The following MLLT3 variants were observed in gnomAD, a reference collection of about 807,000 sequenced individuals.
MLLT3 encodes MLLT3 super elongation complex subunit.
A neutral mutation model predicts 53.2 loss-of-function variants in MLLT3; 4 were observed. That is an observed-to-expected ratio of 0.08 (90% CI 0.04 to 0.17). The LOEUF (loss-of-function observed/expected upper bound fraction) is 0.17. Among genes scored for constraint, MLLT3 ranks in the 10% least tolerant of loss-of-function variants. MLLT3 has a pLI of 1.00. For missense variants in MLLT3, 569 were observed against 684.0 expected (o/e 0.83, Z 1.87); for synonymous variants, 283 against 230.6 (o/e 1.23, Z -2.06).
chr9:20,498,914 G>T (rs1825150097), intron 2 of MLLT3, among the ~76,000 whole-genome samples: 1 of 152,156 alleles, frequency 6.6e-6, no homozygotes, highest in Admixed American at 6.5e-5. Flanking sequence ...TAGGGCTATT[G>T]TAACAAAATA....
rs1055693135 is a variant in MLLT3, at chr9:20,342,849, T to C, written c.*3594A>G. On this transcript the variant is annotated 3_prime_UTR_variant, in exon 11 of 11. Transcript: ENST00000380338. ...ATATATATGTGTATATATATATATA[T>C]ATGTATATATAAATATAGGAGCAGT... The C allele has an allele frequency of 5.8e-6, 1 of 173,336 alleles. No homozygotes were observed. Among genetic ancestry groups the C allele is most frequent in the African/African-American group, 2.4e-5 (1 of 41,346 alleles). The allele number at this position is 173,336 out of a possible 1,614,324, so 10.7% of individuals were successfully genotyped here.
intron 5 of MLLT3, among the ~76,000 whole-genome samples, chr9:20,367,401 T>C (rs1467560443): frequency 6.6e-6 from 1 of 152,212 alleles, no homozygotes; most frequent in Non-Finnish European, 1.5e-5. Flanking sequence ...TGTCTTGTGC[T>C]TCTTGTAATC....
chr9:20,376,048 A>T (rs943929009), intron 5 of MLLT3, among the ~76,000 whole-genome samples: 5 of 152,220 alleles, frequency 3.3e-5, no homozygotes, highest in African/African-American at 1.2e-4. Context: ...CAAGTGATCT[A>T]CGTTCTTTTC....
chr9:20,416,477 A>T (rs1822875115), intron 4 of MLLT3, among the ~76,000 whole-genome samples: 1 of 152,100 alleles, frequency 6.6e-6, no homozygotes, highest in Non-Finnish European at 1.5e-5. Flanking sequence ...ATATATTTTT[A>T]AAATCCTTCT....
chr9:20,551,824 C>G (rs1413955672), intron 2 of MLLT3, among the ~76,000 whole-genome samples: 3 of 152,120 alleles, frequency 2.0e-5, no homozygotes, highest in African/African-American at 7.2e-5. Flanking sequence ...ATTAACATTA[C>G]ACCCTATAGA....
chr9:20,507,260 A>T (rs1305418334), intron 2 of MLLT3, among the ~76,000 whole-genome samples: 1 of 152,214 alleles, frequency 6.6e-6, no homozygotes, highest in Non-Finnish European at 1.5e-5. Flanking sequence ...AACAATCTAC[A>T]AATTCATATA....
chr9:20,451,406 A>G (rs1823835619), intron 3 of MLLT3, among the ~76,000 whole-genome samples: 1 of 152,248 alleles, frequency 6.6e-6, no homozygotes. Context: ...GAATGAGGTA[A>G]TATCAACATC....
chr9:20,486,399 T>C (rs1418086342), intron 2 of MLLT3, among the ~76,000 whole-genome samples: 2 of 152,016 alleles, frequency 1.3e-5, no homozygotes, highest in Non-Finnish European at 2.9e-5. Flanking sequence ...AAGACTTGAA[T>C]AAATAAAAAG....
intron 2 of MLLT3, among the ~76,000 whole-genome samples, chr9:20,565,168 C>G (rs531248003): frequency 1.3e-5 from 2 of 151,646 alleles, no homozygotes; most frequent in South Asian, 4.2e-4. Flanking sequence ...TTTCTCCCAC[C>G]AATTGGAGGA....
At chr9:20,487,224 T>G (rs1381446706) in intron 2 of MLLT3, among the ~76,000 whole-genome samples, 2 of 152,120 alleles carry the variant, frequency 1.3e-5, no homozygotes, top group African/African-American at 4.8e-5. Flanking sequence ...TTTCTTCTCC[T>G]GGTCTGCTAA....
rs548195782 is a variant in MLLT3, at chr9:20,621,797, C to G, written c.12+448G>C. 1,184 of 1,457,108 alleles carry G rather than the reference C, an allele frequency of 8.1e-4. 6 individuals are homozygous for G. The highest frequency in any genetic ancestry group is 6.8e-4 in the Non-Finnish European group (759 of 1,115,130). 90.3% of individuals were successfully genotyped at this position (1,457,108 alleles called of 1,614,324 possible). On this transcript the variant is annotated intron_variant, in intron 1 of 10. Coordinates refer to ENST00000380338, the MANE Select transcript of MLLT3 (RefSeq NM_004529.4). The surrounding 1 kb of genome is among the most constrained non-coding windows in gnomAD (Gnocchi z 7.0). ...CCATCGTAGCGGCCGCGGCGCTTTG[C>G]GGAGGTGCGGCCGCCGAGGCTGCTC...
intron 4 of MLLT3, among the ~76,000 whole-genome samples, chr9:20,446,448 C>T (rs559081357): frequency 6.6e-6 from 1 of 152,306 alleles, no homozygotes; most frequent in Non-Finnish European, 1.5e-5. Context: ...TGACTGTAAC[C>T]TCTCTTCCAG....
At chr9:20,609,406 T>A (rs1386374309) in intron 2 of MLLT3, among the ~76,000 whole-genome samples, 1 of 152,106 alleles carries the variant, frequency 6.6e-6, no homozygotes, top group African/African-American at 2.4e-5. Flanking sequence ...TCTGTTCACA[T>A]GATAATACAG....
At chr9:20,524,717 C>A (rs1818154740) in intron 2 of MLLT3, among the ~76,000 whole-genome samples, 1 of 152,132 alleles carries the variant, frequency 6.6e-6, no homozygotes, top group Non-Finnish European at 1.5e-5. Flanking sequence ...GATTATCACT[C>A]ATACCTGTTC....
Position 20,532,709 on chromosome 9 carries a change from G to A in MLLT3, c.194-75923C>T, listed in dbSNP as rs534695967. On this transcript the variant is annotated intron_variant, in intron 2 of 10. Coordinates refer to ENST00000380338, the MANE Select transcript of MLLT3 (RefSeq NM_004529.4). ...ATGCAGCCCAAAAGGGACTTAACTC[G>A]CTTTGTGAAATGGCCCCACTATATC... 75 of 258,796 alleles carry A rather than the reference G, an allele frequency of 2.9e-4. 1 individual carries two copies. The highest frequency in any genetic ancestry group is 1.8e-3 in the Admixed American group (39 of 21,894). The allele number at this position is 258,796 out of a possible 1,614,324, so 16.0% of individuals were successfully genotyped here. A position where few individuals can be genotyped will look rare whatever the true frequency, so the allele number is the denominator to read the frequency against.
chr9:20,565,571 C>T (rs1819332572), intron 2 of MLLT3, among the ~76,000 whole-genome samples: 1 of 152,064 alleles, frequency 6.6e-6, no homozygotes, highest in African/African-American at 2.4e-5. Context: ...CAAAGTTAGT[C>T]ACAGTCCAAG....
At chr9:20,564,890 G>A (rs1819309149) in intron 2 of MLLT3, among the ~76,000 whole-genome samples, 1 of 152,084 alleles carries the variant, frequency 6.6e-6, no homozygotes, top group Non-Finnish European at 1.5e-5. Flanking sequence ...TCTTCCACAA[G>A]GCAAATGTTT....
chr9:20,358,939 G>C (rs1250973323), intron 8 of MLLT3, among the ~76,000 whole-genome samples: 1 of 151,946 alleles, frequency 6.6e-6, no homozygotes, highest in East Asian at 1.9e-4. Context: ...GAGGTCAAGA[G>C]ATCGAGACCA....
At chr9:20,497,419 G>A (rs575906714) in intron 2 of MLLT3, among the ~76,000 whole-genome samples, 3 of 152,144 alleles carry the variant, frequency 2.0e-5, no homozygotes, top group East Asian at 1.9e-4. Context: ...AGTTTTCCCC[G>A]ACCTTCATGA....
Sources: gnomAD v4.1 joint callset for allele counts (sites outside exome capture counted in the v4.1 genomes callset) on GRCh38, gnomAD v4.1.1 for gene constraint, Gnocchi (gnomAD v3.1) non-coding constraint, MANE v1.5 for transcripts, NCBI Gene and HGNC (gene_info 2026-07-23, HGNC 2026-07-21) for gene names.